KAZN: variants seen among roughly 807,000 people sequenced by gnomAD.
KAZN encodes the protein kazrin.
KAZN carries 40 observed loss-of-function variants against 87.4 expected under a neutral mutation model. The ratio of observed to expected loss-of-function variants is 0.46; its 90% CI spans 0.36 to 0.60. The LOEUF (loss-of-function observed/expected upper bound fraction) is 0.60, where lower values mean the gene tolerates loss of function less well. KAZN is among the 20% of genes least tolerant of loss of function. The pLI, the probability that KAZN is intolerant of heterozygous loss-of-function variation, is 0.00. For missense variants in KAZN, 898 were observed against 1,073.9 expected, an observed-to-expected ratio of 0.84 and a Z score of 2.29; for synonymous variants, 466 against 458.3, an observed-to-expected ratio of 1.02 and a Z score of -0.22.
At chr1:14,305,918 T>C (rs1654892658) in intron 2 of KAZN, among the ~76,000 whole-genome samples, 1 of 152,102 alleles carries the variant, frequency 6.6e-6, no homozygotes, top group African/African-American at 2.4e-5. Flanking sequence ...GTTAACAGGA[T>C]TGGGTAGAGA....
intron 2 of KAZN, among the ~76,000 whole-genome samples, chr1:14,981,160 C>G (rs1346263351): frequency 6.6e-6 from 1 of 152,188 alleles, no homozygotes; most frequent in Non-Finnish European, 1.5e-5. Context: ...GGAGGCCCAG[C>G]CTTGCCGGGA....
In KAZN at chr1:14,534,249, A is replaced by G. The variant is rs1371317531; in HGVS notation, c.250-64734A>G. On this transcript the variant is annotated intron_variant, in intron 2 of 16. Coordinates refer to the KAZN transcript ENST00000636203. ...AAACTTCTCCAACAGGCCATTTCCA[A>G]TTGCTGTTGACACATGAATAGAAAC... 2.0e-5 allele frequency among the ~76,000 whole-genome samples: 3 copies of G among 152,132 alleles called. No homozygotes were observed. In the South Asian group the frequency reaches 6.2e-4, roughly 32 times the overall value.
At chr1:14,450,125 C>T (rs995011395) in intron 2 of KAZN, among the ~76,000 whole-genome samples, 3 of 151,958 alleles carry the variant, frequency 2.0e-5, no homozygotes, top group African/African-American at 2.4e-5. Flanking sequence ...GTGCTGCCCC[C>T]CCGCCTGCAG....
chr1:14,858,528 G>A (rs1247460191), intron 1 of KAZN, among the ~76,000 whole-genome samples: 2 of 152,054 alleles, frequency 1.3e-5, no homozygotes, highest in African/African-American at 2.4e-5. Context: ...GCCACATTTC[G>A]TTTATCCATT....
At chr1:14,804,005 C>T (rs1169724460) in intron 1 of KAZN, among the ~76,000 whole-genome samples, 1 of 152,256 alleles carries the variant, frequency 6.6e-6, no homozygotes, top group Non-Finnish European at 1.5e-5. Context: ...CTGTCCTTTT[C>T]CCTCTTCTCA....
At chr1:14,037,855 G>C (rs766987190) in intron 1 of KAZN, among the ~76,000 whole-genome samples, 1 of 152,284 alleles carries the variant, frequency 6.6e-6, no homozygotes, top group Non-Finnish European at 1.5e-5. Context: ...GGTTTGTTTA[G>C]GCTGCTCTCT....
chr1:14,010,732 C>T (rs1268673762), intron 1 of KAZN, among the ~76,000 whole-genome samples: 1 of 152,088 alleles, frequency 6.6e-6, no homozygotes, highest in African/African-American at 2.4e-5. Flanking sequence ...TCAGGGTGGA[C>T]AACAATAAAA....
intron 1 of KAZN, among the ~76,000 whole-genome samples, chr1:14,076,707 C>A (rs1411990728): frequency 3.3e-5 from 5 of 152,120 alleles, no homozygotes; most frequent in Non-Finnish European, 7.4e-5. Context: ...TTCACCTGAC[C>A]CCGGTGGAAT....
At chr1:14,857,643 T>C (rs12760105) in intron 1 of KAZN, among the ~76,000 whole-genome samples, 20,085 of 152,174 alleles carry the variant, frequency 0.13, 1,343 homozygotes, top group Middle Eastern at 0.19. Flanking sequence ...CGCTGGCTCA[T>C]TAGAATTTCT....
intron 2 of KAZN, among the ~76,000 whole-genome samples, chr1:15,022,838 G>C (rs1414276270): frequency 6.6e-6 from 1 of 152,258 alleles, no homozygotes; most frequent in African/African-American, 2.4e-5. Flanking sequence ...TCTGTGCACA[G>C]CTGCGGGTTC....
At chr1:14,596,203 A>G (rs1448802243), upstream of KAZN, among the ~76,000 whole-genome samples, 1 of 152,040 alleles carries the variant, frequency 6.6e-6, no homozygotes, top group Non-Finnish European at 1.5e-5. Context: ...TCCTTCCCCC[A>G]CCCACAAGTT....
At chr1:15,062,429 T>TC (rs1325945733) in intron 6 of KAZN, 1 of 152,446 alleles carries the variant, frequency 6.6e-6, no homozygotes, top group Non-Finnish European at 1.5e-5. Context: ...ACCCTTTTTA[T>TC]CCCCCCATCT....
chr1:14,211,383 G>C (rs1646849763), intron 2 of KAZN, among the ~76,000 whole-genome samples: 1 of 152,044 alleles, frequency 6.6e-6, no homozygotes, highest in African/African-American at 2.4e-5. Flanking sequence ...ACCACACCCA[G>C]CTAATTTTGT....
intron 1 of KAZN, among the ~76,000 whole-genome samples, chr1:14,051,756 C>T (rs1464842909): frequency 6.6e-6 from 1 of 152,172 alleles, no homozygotes; most frequent in African/African-American, 2.4e-5. Context: ...GAGAGGATGG[C>T]TTGAACCCGG....
intron 1 of KAZN, among the ~76,000 whole-genome samples, chr1:14,107,896 A>G (rs1451868507): frequency 6.6e-6 from 1 of 151,848 alleles, no homozygotes; most frequent in Non-Finnish European, 1.5e-5. Flanking sequence ...ACCTTGTCAC[A>G]CTCCAGCTTT....
At chr1:15,001,264 C>A (rs1241563703) in intron 2 of KAZN, among the ~76,000 whole-genome samples, 4 of 151,088 alleles carry the variant, frequency 2.6e-5, no homozygotes, top group African/African-American at 9.8e-5. Context: ...GAGTTTAAGA[C>A]CAGCCTGGCC....
intron 1 of KAZN, among the ~76,000 whole-genome samples, chr1:14,868,181 G>A (rs1651745132): frequency 6.6e-6 from 1 of 152,130 alleles, no homozygotes; most frequent in Non-Finnish European, 1.5e-5. Context: ...CGCATAGGCA[G>A]GCATCAAATA....
rs541362333 is a variant in KAZN at position 14,863,116 on chromosome 1, G to A, written c.227-97568G>A. On this transcript the variant is annotated intron_variant, in intron 1 of 14. Transcript: ENST00000376030. ...TTCTCTTTCTTTCCACTGTCAGGTG[G>A]TGAGCTTGCTCTGGGGACTGGGTGT... 1.7e-3 allele frequency among the ~76,000 whole-genome samples: 261 copies of A among 152,304 alleles called. 1 individual carries two copies. Among genetic ancestry groups the A allele is most frequent in the African/African-American group, 6.0e-3 (251 of 41,556 alleles).
intron 2 of KAZN, among the ~76,000 whole-genome samples, chr1:14,507,013 A>G (rs1169603279): frequency 6.6e-6 from 1 of 152,198 alleles, no homozygotes; most frequent in Admixed American, 6.5e-5. Flanking sequence ...TAAATTAGGC[A>G]CCCAGATCAT....
Sources: gnomAD v4.1 joint callset for allele counts (sites outside exome capture counted in the v4.1 genomes callset) on GRCh38, gnomAD v4.1.1 for gene constraint, MANE v1.5 for transcripts, NCBI Gene and HGNC (gene_info 2026-07-23, HGNC 2026-07-21) for gene names.